ADGRG4: variants seen among roughly 807,000 people sequenced by gnomAD.
ADGRG4 encodes adhesion G protein-coupled receptor G4.
A neutral mutation model predicts 126.2 loss-of-function variants in ADGRG4; 122 were observed. The observed-to-expected ratio is 0.97, with a 90% confidence interval of 0.83 to 1.12. ADGRG4 has a LOEUF of 1.12. Ranked by LOEUF, ADGRG4 falls within the 50% of genes most tolerant of loss-of-function variation. The probability of loss-of-function intolerance (pLI) is 0.00; values close to 1 mark genes in which losing one functional copy is unlikely to be tolerated. For synonymous variants in ADGRG4, 943 were observed against 838.7 expected (o/e 1.12, Z -2.15); for missense variants, 2,481 against 2,251.8 (o/e 1.10, Z -2.06).
intron 15 of ADGRG4, among the ~76,000 whole-genome samples, chrX:136,375,837 G>T (rs1290547191): frequency 8.9e-6 from 1 of 112,067 alleles, no homozygotes; most frequent in Admixed American, 9.5e-5. Context: ...TCTTTGGATT[G>T]CCTGTTGACT....
At chrX:136,412,678 T>C (rs773112346) in intron 24 of ADGRG4, among the ~76,000 whole-genome samples, 3 of 112,498 alleles carry the variant, frequency 2.7e-5, no homozygotes, top group African/African-American at 9.7e-5. Flanking sequence ...TTCCAGGCAC[T>C]GGGTCTCAGG....
At position 136,331,885 on chromosome X, in the gene ADGRG4, C is replaced by T. The variant is rs187039537; in HGVS notation, c.685+8493C>T. Among the ~76,000 whole-genome samples, 1,042 of 105,305 alleles carry T rather than the reference C, an allele frequency of 9.9e-3. 7 individuals are homozygous for T. The highest frequency in any genetic ancestry group is 0.029 in the Middle Eastern group (6 of 209). The allele number at this position is 105,305 out of a possible 115,157, so 91.4% of individuals were successfully genotyped here. On this transcript the variant is annotated intron_variant, in intron 5 of 25. Transcript: ENST00000394143. Reference sequence around the variant, plus strand: ...AGGCTGGAATGCAGTGGTGCGATCTCGGCTCACTGCAAGCTCCGCCTCCCG... The same window carrying T: ...AGGCTGGAATGCAGTGGTGCGATCTTGGCTCACTGCAAGCTCCGCCTCCCG...
At position 136,349,069 on chromosome X, in the gene ADGRG4, C is replaced by T; in HGVS notation, c.5363C>T (p.Thr1788Ile). Reference protein sequence around the residue: ...SGPTKNVKTTTNCFSSNTRKM... With the variant: ...SGPTKNVKTTINCFSSNTRKM... ...CCCACAAAAAATGTTAAAACAACCA[C>T]CAATTGCTTTTCTTCTAATACTAGA... The change falls in exon 6 of 26, where the codon ACC (threonine) becomes ATC (isoleucine). Residue 1788 changes from threonine to isoleucine, a missense_variant. Physicochemically the swap from Thr to Ile is moderately conservative, Grantham distance 89. Transcript: ENST00000394143. The T allele has an allele frequency of 8.3e-7, 1 of 1,206,676 alleles. No homozygotes were observed. Among genetic ancestry groups the T allele is most frequent in the Non-Finnish European group, 1.1e-6 (1 of 892,320 alleles).
At chrX:136,376,724 T>C (rs1054258273) in intron 15 of ADGRG4, among the ~76,000 whole-genome samples, 6 of 110,853 alleles carry the variant, frequency 5.4e-5, no homozygotes, top group African/African-American at 2.0e-4. Flanking sequence ...GTAAAAAGAT[T>C]GAGTTTTTTA....
At chrX:136,383,125 C>CA (rs1333319039) in intron 15 of ADGRG4, among the ~76,000 whole-genome samples, 2 of 110,654 alleles carry the variant, frequency 1.8e-5, no homozygotes, top group African/African-American at 6.6e-5. Context: ...ACATGGACTT[C>CA]AAAAAAAATG....
intron 5 of ADGRG4, among the ~76,000 whole-genome samples, chrX:136,327,799 A>G (rs910989678): frequency 1.8e-5 from 2 of 111,281 alleles, no homozygotes; most frequent in African/African-American, 6.5e-5. Flanking sequence ...AGCTGTTACA[A>G]TTTAAATAGA....
chrX:136,411,183 G>A (rs965782664), intron 23 of ADGRG4, among the ~76,000 whole-genome samples: 6 of 111,270 alleles, frequency 5.4e-5, no homozygotes, highest in Non-Finnish European at 1.1e-4. Flanking sequence ...CCAAGTAGAC[G>A]GGATTACAGA....
chrX:136,383,464 C>T (rs756264710), intron 15 of ADGRG4, among the ~76,000 whole-genome samples: 1 of 111,716 alleles, frequency 9.0e-6, no homozygotes, highest in South Asian at 3.8e-4. Context: ...ACCAAGTCAT[C>T]CAAGCCTTCT....
At chrX:136,305,046 T>C (rs2068808696) in intron 3 of ADGRG4, 23 bp downstream of exon 3, 1 of 112,097 alleles carries the variant, frequency 8.9e-6, no homozygotes, top group African/African-American at 3.2e-5. Context: ...GTCAGCATTT[T>C]ACAAATGAGG....
rs1389471506 is a variant in ADGRG4, at chrX:136,365,055, A to T, written c.7396+1460A>T. On this transcript the variant is annotated intron_variant, in intron 13 of 25. Coordinates refer to ENST00000394143, the MANE Select transcript of ADGRG4 (RefSeq NM_153834.4). ...CCTTCATCAACACAGCATGTTTGTT[A>T]TCAGACTTCTGGATCTTTTTGCGAT... Among the ~76,000 whole-genome samples, 5 of 112,208 alleles carry T rather than the reference A, an allele frequency of 4.5e-5. No individual in the cohort carries two copies. The East Asian group carries it at 1.4e-3, about 31-fold the overall frequency.
At chrX:136,369,853 A>G (rs1164941404) in intron 13 of ADGRG4, among the ~76,000 whole-genome samples, 1 of 111,929 alleles carries the variant, frequency 8.9e-6, no homozygotes, top group Non-Finnish European at 1.9e-5. Flanking sequence ...TTCAGTTCCT[A>G]TGTGAGCCAT....
intron 4 of ADGRG4, among the ~76,000 whole-genome samples, chrX:136,311,400 C>CACAT (rs2074770223): frequency 9.3e-6 from 1 of 107,961 alleles, no homozygotes; most frequent in Admixed American, 1.0e-4. Flanking sequence ...CATGTACACA[C>CACAT]ACACACACAC....
At position 136,346,382 on chromosome X, in the gene ADGRG4, G is replaced by C. The variant is rs747631352; in HGVS notation, c.2676G>C (p.Lys892Asn). The C allele has an allele frequency of 4.2e-5, 51 of 1,208,445 alleles. No homozygotes were observed. The highest frequency in any genetic ancestry group is 1.5e-4 in the Admixed American group (7 of 45,633). ...TTTCCTCTTTTCCTGATATAGAAAA[G>C]CTAAGTACCCCATTGGATAATAAAA... ...VTVSSFPDIEKLSTPLDNKTA... is the reference protein window; with the variant it reads ...VTVSSFPDIENLSTPLDNKTA... The change falls in exon 6 of 26, where the codon AAG becomes AAC. Residue 892 changes from lysine to asparagine, a missense_variant. Coordinates refer to ENST00000394143, the MANE Select transcript of ADGRG4 (RefSeq NM_153834.4).
intron 13 of ADGRG4, among the ~76,000 whole-genome samples, chrX:136,364,846 G>C (rs1340544946): frequency 9.0e-6 from 1 of 111,618 alleles, no homozygotes; most frequent in Admixed American, 9.5e-5. Context: ...AAAAACCACT[G>C]CTTCGATGAA....
intron 5 of ADGRG4, among the ~76,000 whole-genome samples, chrX:136,342,936 A>AGG (rs2074988927): frequency 1.8e-5 from 1 of 56,633 alleles, no homozygotes; most frequent in Non-Finnish European, 3.3e-5. Flanking sequence ...GAGAGAGAGG[A>AGG]AGGGGATCAG....
intron 13 of ADGRG4, among the ~76,000 whole-genome samples, chrX:136,369,794 A>G (rs2075181815): frequency 8.9e-6 from 1 of 112,080 alleles, no homozygotes; most frequent in Admixed American, 9.5e-5. Context: ...ACCTTGTTTA[A>G]TCTCCTGTCC....
At chrX:136,376,076 A>G (rs1418967010) in intron 15 of ADGRG4, among the ~76,000 whole-genome samples, 1 of 111,670 alleles carries the variant, frequency 9.0e-6, no homozygotes, top group African/African-American at 3.3e-5. Context: ...TAATTTTTGT[A>G]TAATGCGAGG....
intron 13 of ADGRG4, 38 bp from the exon 14 acceptor site, chrX:136,371,290 A>G: frequency 1.0e-6 from 1 of 971,867 alleles, no homozygotes; most frequent in Middle Eastern, 2.7e-4. Context: ...CAGAAGACTA[A>G]GTCATGCAGC....
rs1016901107 is a variant in ADGRG4, at chrX:136,345,040, C to T, written c.1334C>T (p.Thr445Ile). 6.6e-6 allele frequency: 8 copies of T among 1,209,850 alleles called. No homozygotes were observed. The highest frequency in any genetic ancestry group is 3.5e-5 in the African/African-American group (2 of 57,289). Residue 445 changes from threonine to isoleucine, a missense_variant, in exon 6 of 26, where the codon ACT (threonine) becomes ATT (isoleucine). By Grantham distance (89) the Thr-to-Ile change is moderately conservative (BLOSUM62 -1). Coordinates refer to ENST00000394143, the MANE Select transcript of ADGRG4 (RefSeq NM_153834.4). ...TTCATTGAATCTACAGCTGCCGGAA[C>T]TGTACCTTGGTTTACAGTGGAAAAG... is the stretch of plus-strand genomic sequence containing the variant. ...QEFIESTAAG[T>I]VPWFTVEKTS...
Sources: allele counts gnomAD v4.1 joint callset (sites outside exome capture counted in the v4.1 genomes callset), GRCh38; gene constraint gnomAD v4.1.1; transcripts MANE v1.5; gene names NCBI Gene and HGNC (gene_info 2026-07-23, HGNC 2026-07-21).